The following KCP variants were observed in gnomAD, a reference collection of about 807,000 sequenced individuals.
KCP encodes kielin cysteine rich BMP regulator.
A neutral mutation model predicts 212.7 loss-of-function variants in KCP; 194 were observed. That is an observed-to-expected ratio of 0.91 (90% CI 0.81 to 1.03). The LOEUF (loss-of-function observed/expected upper bound fraction) is 1.03, where lower values mean the gene tolerates loss of function less well. KCP is among the 50% of genes least tolerant of loss of function. KCP has a pLI of 0.00. For synonymous variants in KCP, 833 were observed against 865.3 expected (o/e 0.96, Z 0.65); for missense variants, 2,080 against 2,162.5 (o/e 0.96, Z 0.76).
chr7:128,886,584 C>G (rs765251944), intron 25 of KCP, 27 bp from the exon 26 acceptor site: 2 of 1,550,802 alleles, frequency 1.3e-6, no homozygotes, highest in East Asian at 2.4e-5. Context: ...GACACTGGCT[C>G]GCTGCCTAGG....
At chr7:128,894,710 G>A (rs1234967904) in intron 8 of KCP, among the ~76,000 whole-genome samples, 3 of 152,078 alleles carry the variant, frequency 2.0e-5, no homozygotes, top group Non-Finnish European at 4.4e-5. Context: ...GGGTTCAAGC[G>A]ATTCTCCTGC....
intron 38 of KCP, 38 bp downstream of exon 38, chr7:128,878,520 C>A: frequency 6.5e-7 from 1 of 1,528,432 alleles, no homozygotes; most frequent in Non-Finnish European, 8.8e-7. Flanking sequence ...TCAGCTGCGT[C>A]TCCCCTAATC....
chr7:128,892,401 C>T (rs1794213323), intron 16 of KCP, 113 bp downstream of exon 16: 6 of 770,886 alleles, frequency 7.8e-6, no homozygotes, highest in Non-Finnish European at 1.0e-5. Context: ...TGAAACAAGA[C>T]TGAAACAATT....
chr7:128,883,044 G>A (rs924737038), intron 29 of KCP, among the ~76,000 whole-genome samples: 3 of 151,146 alleles, frequency 2.0e-5, no homozygotes, highest in East Asian at 3.9e-4. Flanking sequence ...CAGCCTGTGC[G>A]ACAAAGCGAG....
In KCP at chr7:128,908,412, T is replaced by C. The variant is rs1393964272; in HGVS notation, c.219+14A>G. The C allele has an allele frequency of 7.8e-6, 12 of 1,548,210 alleles. No homozygotes were observed. The highest frequency in any genetic ancestry group is 1.0e-5 in the Non-Finnish European group (12 of 1,144,506). Reference sequence around the variant, plus strand: ...CTCCTTACCCAATGCAAACCAGCACTGTCTCCATGGTACCTGTTCTCTGAG... The same window carrying C: ...CTCCTTACCCAATGCAAACCAGCACCGTCTCCATGGTACCTGTTCTCTGAG... On this transcript the variant is annotated intron_variant, in intron 2 of 39. Coordinates refer to ENST00000610776, the MANE Select transcript of KCP (RefSeq NM_001366122.1).
chr7:128,907,668 C>T (rs190793582), intron 2 of KCP, among the ~76,000 whole-genome samples: 1 of 152,230 alleles, frequency 6.6e-6, no homozygotes, highest in South Asian at 2.1e-4. Flanking sequence ...GGGACCCAAC[C>T]CTTGCCCCAA....
intron 8 of KCP, among the ~76,000 whole-genome samples, chr7:128,901,355 G>A: frequency 6.6e-6 from 1 of 152,224 alleles, no homozygotes; most frequent in East Asian, 1.9e-4. Context: ...GGCCGGGCGT[G>A]GTGGCTCACG....
Position 128,889,018 on chromosome 7 carries a change from G to C in KCP, c.2357C>G (p.Ser786Cys), listed in dbSNP as rs1793919543. The change falls in exon 22 of 40, where the codon TCC (serine) becomes TGC (cysteine). Residue 786 changes from serine (S) to cysteine (C), a missense_variant. By Grantham distance (112) the Ser-to-Cys change is moderately radical. Transcript: ENST00000610776. ...DCDGCEYLGE[S>C]YLSNQEFPDP... ...TGGGAACTCCTGGTTACTCAGGTAG[G>C]ACTCCCCCAGGTACTCACAGCCTTT... is the stretch of plus-strand genomic sequence containing the variant. 1 of 1,522,548 alleles carries C rather than the reference G, an allele frequency of 6.6e-7. No homozygotes were observed. Among genetic ancestry groups the C allele is most frequent in the Non-Finnish European group, 8.8e-7 (1 of 1,131,632 alleles). 94.3% of individuals were successfully genotyped at this position (1,522,548 alleles called of 1,614,324 possible).
chr7:128,901,693 C>T (rs1047646569), intron 8 of KCP, among the ~76,000 whole-genome samples: 7 of 151,958 alleles, frequency 4.6e-5, no homozygotes, highest in Admixed American at 1.3e-4. Context: ...CTTTCTTGCG[C>T]GAGATCCAAG....
At chr7:128,890,120 A>C in intron 21 of KCP, 3 of 689,296 alleles carry the variant, frequency 4.4e-6, no homozygotes, top group East Asian at 2.9e-5. Context: ...AGATCTCTCT[A>C]TGTTGCCCAG....
At chr7:128,883,119 TAAAA>T (rs201917167) in intron 29 of KCP, among the ~76,000 whole-genome samples, 1 of 144,872 alleles carries the variant, frequency 6.9e-6, no homozygotes, top group Non-Finnish European at 1.5e-5. Flanking sequence ...GGATTATCAT[TAAAA>T]AAAAAAGTAT....
At position 128,878,627 on chromosome 7, in the gene KCP, G is replaced by A; in HGVS notation, c.4242C>T (p.Ala1414=). 1 of 1,551,494 alleles carries A rather than the reference G, an allele frequency of 6.4e-7. No individual in the cohort carries two copies. Among genetic ancestry groups the A allele is most frequent in the South Asian group, 1.2e-5 (1 of 84,064 alleles). Residue 1414 remains alanine (A), a synonymous_variant, in exon 38 of 40, where the codon GCC becomes GCT. Transcript: ENST00000610776. ...CGLCGNFNGF[A]QDDLQGPEGL... The stretch of plus-strand genomic sequence containing the variant: ...CCTCAGGGCCCTGCAGATCGTCCTG[G>A]GCAAAGCCATTGAAGTTCCCACAGA...
At chr7:128,882,240 G>A (rs1056723606) in intron 29 of KCP, among the ~76,000 whole-genome samples, 2 of 152,202 alleles carry the variant, frequency 1.3e-5, no homozygotes, top group Non-Finnish European at 2.9e-5. Flanking sequence ...GGGGCCGGGT[G>A]GGGGTGCAAG....
At position 128,879,979 on chromosome 7, in the gene KCP, C is replaced by T. The variant is rs925277625; in HGVS notation, c.3866G>A (p.Arg1289His). Residue 1289 changes from arginine to histidine, a missense_variant, in exon 35 of 40, where the codon CGC becomes CAC. Transcript: ENST00000610776. ...GDPHYRTFDG[R>H]LLHFQGSCSY... ...GCAACTGCCCTGGAAGTGCAGCAGG[C>T]GGCCGTCGAAGGTGCGGTAATGGGG... 42 of 1,550,598 alleles carry T rather than the reference C, an allele frequency of 2.7e-5. No individual in the cohort carries two copies. The East Asian group carries it at 3.9e-4, about 14-fold the overall frequency.
Position 128,886,485 on chromosome 7 carries a change from T to TC in KCP, c.2844dup (p.Ser949GlufsTer21). 1.3e-6 allele frequency: 2 copies of TC among 1,549,476 alleles called. No homozygotes were observed. Among genetic ancestry groups the TC allele is most frequent in the East Asian group, 2.4e-5 (1 of 40,882 alleles). ...ATACCTCTGCAGCGAGGGCAGCAGCTCCCCCGCTCGGTGACCTGGAGCTTG... is the reference window on the plus strand; with the variant it reads ...ATACCTCTGCAGCGAGGGCAGCAGCTCCCCCCGCTCGGTGACCTGGAGCTTG... On this transcript the variant is annotated frameshift_variant, in exon 26 of 40. Transcript: ENST00000610776. LOFTEE classifies it high-confidence loss of function.
At chr7:128,882,528 G>A (rs1793393863) in intron 29 of KCP, among the ~76,000 whole-genome samples, 1 of 152,154 alleles carries the variant, frequency 6.6e-6, no homozygotes, top group African/African-American at 2.4e-5. Flanking sequence ...AATGAAGCGA[G>A]AGACTTTATT....
intron 22 of KCP, among the ~76,000 whole-genome samples, chr7:128,888,144 CCA>C (rs1280327456): frequency 2.8e-5 from 3 of 105,636 alleles, no homozygotes; most frequent in Admixed American, 2.8e-4. Context: ...ACACACAGGG[CCA>C]CACACACATA....
At position 128,890,526 on chromosome 7, in the gene KCP, G is replaced by GC. The variant is rs781489777; in HGVS notation, c.2165-14dup. On this transcript the variant is annotated splice_polypyrimidine_tract_variant and intron_variant, in intron 20 of 39. Coordinates refer to ENST00000610776, the MANE Select transcript of KCP (RefSeq NM_001366122.1). ...TGGTACAGGCAGCCTGGGGAGAAGG[G>GC]CAGGGGCTGGGGGGCCGTGGGGACT... 4.5e-6 allele frequency: 7 copies of GC among 1,542,788 alleles called. No individual in the cohort carries two copies. The highest frequency in any genetic ancestry group is 5.2e-6 in the Non-Finnish European group (6 of 1,144,314).
intron 22 of KCP, among the ~76,000 whole-genome samples, chr7:128,888,627 CAT>C (rs367800907): frequency 0.21 from 32,032 of 150,008 alleles, 3,613 homozygotes; most frequent in East Asian, 0.49. Context: ...CACACACACA[CAT>C]ACAGACACAC....
Sources: allele counts gnomAD v4.1 joint callset (sites outside exome capture counted in the v4.1 genomes callset), GRCh38; gene constraint gnomAD v4.1.1; transcripts MANE v1.5; gene names NCBI Gene and HGNC (gene_info 2026-07-23, HGNC 2026-07-21).